Variants in CHODL observed in about 807,000 individuals in gnomAD.
The protein encoded by CHODL is chondrolectin, also known as transmembrane protein MT75.
Under a neutral mutation model 34.5 loss-of-function variants are expected in CHODL, and 29 were observed. That is an observed-to-expected ratio of 0.84 (90% confidence interval 0.63 to 1.15). The LOEUF is 1.15. Among genes scored for constraint, CHODL ranks in the 50% most tolerant of loss-of-function variants. CHODL has a pLI of 0.00. For missense variants in CHODL, 332 were observed against 332.5 expected, an observed-to-expected ratio of 1.00 and a Z score of 0.01; for synonymous variants, 125 against 116.1, an observed-to-expected ratio of 1.08 and a Z score of -0.49.
intron 2 of CHODL, among the ~76,000 whole-genome samples, chr21:18,063,987 C>CGGTTAGGAA (rs2064700806): frequency 6.6e-6 from 1 of 152,152 alleles, no homozygotes; most frequent in African/African-American, 2.4e-5. Context: ...TCCCTGTTTC[C>CGGTTAGGAA]TAACCAAACT....
intron 1 of CHODL, among the ~76,000 whole-genome samples, chr21:17,931,706 G>A (rs1445109330): frequency 6.6e-6 from 1 of 152,010 alleles, no homozygotes; most frequent in Non-Finnish European, 1.5e-5. Flanking sequence ...AAAAAGACAG[G>A]CAGAACTTCT....
intron 2 of CHODL, among the ~76,000 whole-genome samples, chr21:18,084,294 T>A (rs557290063): frequency 1.3e-5 from 2 of 151,980 alleles, no homozygotes; most frequent in Non-Finnish European, 2.9e-5. Context: ...TATTTGTTAT[T>A]TTTTTCCCTT....
chr21:18,076,941 C>G (rs1357538795), intron 2 of CHODL, among the ~76,000 whole-genome samples: 2 of 152,166 alleles, frequency 1.3e-5, no homozygotes, highest in Non-Finnish European at 2.9e-5. Context: ...CAGAGAACTG[C>G]TACAAGAATG....
intron 1 of CHODL, among the ~76,000 whole-genome samples, chr21:18,004,812 T>C (rs2063944548): frequency 6.7e-6 from 1 of 150,214 alleles, no homozygotes; most frequent in Non-Finnish European, 1.5e-5. Context: ...GTTGCAAAGA[T>C]TAAATGAGGT....
At chr21:17,938,313 C>G (rs1218400741) in intron 1 of CHODL, among the ~76,000 whole-genome samples, 1 of 151,708 alleles carries the variant, frequency 6.6e-6, no homozygotes, top group Non-Finnish European at 1.5e-5. Context: ...GTTCTGTTTT[C>G]CTATTTCAAG....
At chr21:18,092,843 C>G (rs1293806060) in intron 2 of CHODL, among the ~76,000 whole-genome samples, 1 of 152,080 alleles carries the variant, frequency 6.6e-6, no homozygotes, top group Non-Finnish European at 1.5e-5. Flanking sequence ...CTCAAAAGGT[C>G]AAACCATAGA....
At chr21:18,131,824 CTCT>C (rs763635869) in intron 2 of CHODL, among the ~76,000 whole-genome samples, 7 of 152,030 alleles carry the variant, frequency 4.6e-5, no homozygotes, top group Non-Finnish European at 1.0e-4. Context: ...CTTTTTCCTG[CTCT>C]TCTTTTTTTA....
chr21:18,033,547 G>C (rs1423190041), intron 2 of CHODL, among the ~76,000 whole-genome samples: 1 of 152,038 alleles, frequency 6.6e-6, no homozygotes, highest in African/African-American at 2.4e-5. Flanking sequence ...CTGGGTGACA[G>C]TCCTGTGACC....
intron 2 of CHODL, among the ~76,000 whole-genome samples, chr21:18,124,332 C>T (rs73198587): frequency 0.078 from 11,873 of 152,188 alleles, 503 homozygotes; most frequent in East Asian, 0.17. Flanking sequence ...TCCCCTGCCA[C>T]TCCCACCCAC....
intron 2 of CHODL, among the ~76,000 whole-genome samples, chr21:18,146,294 A>C (rs2146618956): frequency 6.6e-6 from 1 of 152,172 alleles, no homozygotes; most frequent in Non-Finnish European, 1.5e-5. Context: ...TTTAAAAATG[A>C]GTCTGAAATT....
At chr21:18,094,341 A>T (rs2065111901) in intron 2 of CHODL, among the ~76,000 whole-genome samples, 1 of 152,198 alleles carries the variant, frequency 6.6e-6, no homozygotes, top group African/African-American at 2.4e-5. Context: ...TTTGGACTTA[A>T]TCTGCACTAT....
At chr21:18,030,515 C>T (rs1224126398) in intron 2 of CHODL, among the ~76,000 whole-genome samples, 2 of 152,104 alleles carry the variant, frequency 1.3e-5, no homozygotes, top group Non-Finnish European at 1.5e-5. Context: ...TATAACTGCT[C>T]GTCGTTTTCC....
chr21:17,929,879 C>T (rs2063257710), intron 1 of CHODL, among the ~76,000 whole-genome samples: 1 of 151,774 alleles, frequency 6.6e-6, no homozygotes, highest in African/African-American at 2.4e-5. Flanking sequence ...ATGTGTATCA[C>T]GGCTGCTGCT....
rs1457110296 is a variant in CHODL, at chr21:18,160,241, CAA to C, written c.-44-96266_-44-96265del. On this transcript the variant is annotated intron_variant, in intron 2 of 6. Coordinates refer to the CHODL transcript ENST00000400127. The stretch of plus-strand genomic sequence containing the variant: ...ACTGGTAAGTTAAGGGACAAGGTCT[CAA>C]AGGAAGAAGAATTTAAAAACCAGTG... Among the ~76,000 whole-genome samples, 3 of 152,304 alleles carry C rather than the reference CAA, an allele frequency of 2.0e-5. No homozygotes were observed. In the East Asian group the frequency reaches 5.8e-4, roughly 29 times the overall value.
At chr21:18,062,025 G>C (rs567669271) in intron 2 of CHODL, among the ~76,000 whole-genome samples, 1 of 152,176 alleles carries the variant, frequency 6.6e-6, no homozygotes, top group Non-Finnish European at 1.5e-5. Flanking sequence ...ATTAAATCTG[G>C]TTAGGAGACA....
intron 1 of CHODL, among the ~76,000 whole-genome samples, chr21:17,918,716 T>C (rs2063160679): frequency 6.6e-6 from 1 of 151,918 alleles, no homozygotes; most frequent in Non-Finnish European, 1.5e-5. Context: ...TTCCCAACAG[T>C]CCCCCAAAGG....
At chr21:18,180,374 G>A (rs2073367918) in intron 2 of CHODL, among the ~76,000 whole-genome samples, 1 of 152,070 alleles carries the variant, frequency 6.6e-6, no homozygotes, top group Admixed American at 6.5e-5. Context: ...CAAACACGTG[G>A]GCTCAAGCAA....
intron 1 of CHODL, among the ~76,000 whole-genome samples, chr21:18,025,885 T>C (rs892398066): frequency 2.0e-5 from 3 of 152,204 alleles, no homozygotes; most frequent in Non-Finnish European, 4.4e-5. Context: ...CCGAGTCATA[T>C]TGGACTAGGG....
At chr21:18,084,919 TAGTGTGTGTGTGTGTGTG>T (rs768548149) in intron 2 of CHODL, among the ~76,000 whole-genome samples, 3 of 128,212 alleles carry the variant, frequency 2.3e-5, no homozygotes, top group Admixed American at 1.5e-4. Context: ...GGTCTAGTAA[TAGTGTGTGTGTGTGTGTG>T]TGTGTGTGTG....
Sources: gnomAD v4.1 joint callset for allele counts (sites outside exome capture counted in the v4.1 genomes callset) on GRCh38, gnomAD v4.1.1 for gene constraint, MANE v1.5 for transcripts, NCBI Gene and HGNC (gene_info 2026-07-23, HGNC 2026-07-21) for gene names.